The following HMCN1 variants were observed in gnomAD, a reference collection of about 807,000 sequenced individuals.
The protein encoded by HMCN1 is hemicentin-1.
Under a neutral mutation model 625.9 loss-of-function variants are expected in HMCN1, and 321 were observed. That is an observed-to-expected ratio of 0.51 (90% confidence interval 0.47 to 0.56). The LOEUF (loss-of-function observed/expected upper bound fraction) is 0.56. Ranked by LOEUF, HMCN1 falls within the 20% of genes least tolerant of loss-of-function variation. HMCN1 has a pLI of 0.00. For synonymous variants in HMCN1, 2,425 were observed against 2,417.6 expected (o/e 1.00, Z -0.09); for missense variants, 6,588 against 6,887.3 (o/e 0.96, Z 1.54).
chr1:185,925,229 T>A, intron 9 of HMCN1, 38 bp downstream of exon 9: 1 of 1,570,658 alleles, frequency 6.4e-7, no homozygotes, highest in South Asian at 1.1e-5. Context: ...GATTCAGCAT[T>A]TAACATGTAA....
Position 186,061,859 on chromosome 1 carries a change from A to C in HMCN1, c.7321A>C (p.Met2441Leu). 6.2e-7 allele frequency: 1 copy of C among 1,609,402 alleles called. No homozygotes were observed. The highest frequency in any genetic ancestry group is 1.7e-5 in the Admixed American group (1 of 59,934). The part of the protein sequence containing the change: ...NSVRILSGGR[M>L]LRLMQTTMED... ...ATGGTTTGCTTCTGCAGGAGGCAGG[A>C]TGCTACGGCTGATGCAGACCACAAT... The change falls in exon 47 of 107, where the codon ATG becomes CTG. Residue 2441 changes from methionine (M) to leucine (L), a missense_variant. Around this residue, in one of 3 missense-constraint regions of HMCN1, gnomAD observed 4,628 missense variants for 4,853.1 expected, o/e 0.95. Transcript: ENST00000271588.
At chr1:186,045,955 GTTGGACTAATTTTCTC>G (rs1656540046) in intron 41 of HMCN1, 92 bp downstream of exon 41, 3 of 901,658 alleles carry the variant, frequency 3.3e-6, no homozygotes, top group Non-Finnish European at 5.2e-6. Context: ...TTTTATAAGT[GTTGGACTAATTTTCTC>G]TTACAAAATT....
At chr1:186,142,013 TTTTAG>T (rs1650000340) in intron 89 of HMCN1, among the ~76,000 whole-genome samples, 2 of 152,214 alleles carry the variant, frequency 1.3e-5, no homozygotes, top group South Asian at 4.1e-4. Context: ...TTAACTTTCA[TTTTAG>T]TTTAGTTTCA....
In HMCN1 at chr1:186,007,229, C is replaced by T. The variant is rs1279169389; in HGVS notation, c.4577C>T (p.Thr1526Ile). 1 of 1,613,550 alleles carries T rather than the reference C, an allele frequency of 6.2e-7. No homozygotes were observed. The highest frequency in any genetic ancestry group is 8.5e-7 in the Non-Finnish European group (1 of 1,179,680). ...RRNDKGRYQC[T>I]VSNAAGKQAK... ...AATGACAAGGGGCGCTACCAATGTA[C>T]TGTGTCTAATGCAGCTGGCAAACAA... Residue 1526 changes from threonine (T) to isoleucine (I), a missense_variant, in exon 30 of 107, where the codon ACT becomes ATT. Coordinates refer to ENST00000271588, the MANE Select transcript of HMCN1 (RefSeq NM_031935.3).
chr1:186,066,279 G>GTTCA (rs377381395), intron 49 of HMCN1, among the ~76,000 whole-genome samples: 3,850 of 151,888 alleles, frequency 0.025, 125 homozygotes, highest in African/African-American at 0.071. Flanking sequence ...TTATATATAT[G>GTTCA]TTCATTCATT....
At chr1:185,902,770 C>A (rs914255400) in intron 4 of HMCN1, among the ~76,000 whole-genome samples, 1 of 151,478 alleles carries the variant, frequency 6.6e-6, no homozygotes, top group Non-Finnish European at 1.5e-5. Flanking sequence ...AGCGATAAGA[C>A]CATAACTGGC....
At chr1:186,183,495 T>G (rs1653079323) in intron 105 of HMCN1, among the ~76,000 whole-genome samples, 1 of 152,226 alleles carries the variant, frequency 6.6e-6, no homozygotes, top group African/African-American at 2.4e-5. Context: ...CTTAAGAACC[T>G]ACCCCATGCA....
chr1:186,148,903 A>G (rs1650495354), intron 93 of HMCN1, among the ~76,000 whole-genome samples: 1 of 151,680 alleles, frequency 6.6e-6, no homozygotes, highest in South Asian at 2.1e-4. Flanking sequence ...GAACATTCAC[A>G]TGTCAGTGGG....
At chr1:185,868,423 G>T (rs530988718) in intron 4 of HMCN1, among the ~76,000 whole-genome samples, 1 of 151,936 alleles carries the variant, frequency 6.6e-6, no homozygotes, top group South Asian at 2.1e-4. Context: ...GGACCTAATC[G>T]GAGGTAATTA....
intron 4 of HMCN1, among the ~76,000 whole-genome samples, chr1:185,869,164 T>C (rs73054442): frequency 0.047 from 7,197 of 152,270 alleles, 602 homozygotes; most frequent in African/African-American, 0.16. Flanking sequence ...GCTAAACCTC[T>C]AGAGTTCAGG....
In HMCN1 at chr1:186,081,256, C is replaced by T. The variant is rs777806495; in HGVS notation, c.8649C>T (p.Thr2883=). 5.6e-6 allele frequency: 9 copies of T among 1,613,572 alleles called. No individual in the cohort carries two copies. The highest frequency in any genetic ancestry group is 2.2e-5 in the East Asian group (1 of 44,860). ...GANSDLPEEV[T]VLVNKSALIE... is the part of the protein sequence containing the mutation. ...ATAGTGATCTCCCTGAAGAGGTCAC[C>T]GTGCTGGTGAACAAGAGTGCACTGA... The change falls in exon 56 of 107, where the codon ACC becomes ACT. Residue 2883 remains threonine, a synonymous_variant. Transcript: ENST00000271588.
intron 1 of HMCN1, among the ~76,000 whole-genome samples, chr1:185,786,519 A>G (rs75529434): frequency 0.018 from 2,696 of 152,266 alleles, 80 homozygotes; most frequent in African/African-American, 0.062. Flanking sequence ...GGAGTTCTCT[A>G]GCATCTTGGC....
chr1:185,984,829 G>A (rs554330827), intron 19 of HMCN1, among the ~76,000 whole-genome samples: 3 of 152,064 alleles, frequency 2.0e-5, no homozygotes, highest in African/African-American at 4.8e-5. Context: ...TTTTCCATTC[G>A]TGACTAACAG....
chr1:185,990,995 G>T (rs1168188741), intron 22 of HMCN1, among the ~76,000 whole-genome samples: 1 of 152,160 alleles, frequency 6.6e-6, no homozygotes, highest in African/African-American at 2.4e-5. Context: ...CTTAAACTTT[G>T]CCTGAAACCT....
chr1:185,796,915 C>A (rs182715178), intron 1 of HMCN1, among the ~76,000 whole-genome samples: 221 of 152,230 alleles, frequency 1.5e-3, no homozygotes, highest in South Asian at 3.7e-3. Flanking sequence ...TTTGAAAAAT[C>A]CCCATACTCT....
chr1:186,069,613 C>G, intron 50 of HMCN1, 50 bp from the exon 51 acceptor site: 1 of 1,177,442 alleles, frequency 8.5e-7, no homozygotes, highest in Non-Finnish European at 1.3e-6. Context: ...TGTGTGTACT[C>G]CACTGTCACT....
Position 185,970,190 on chromosome 1 carries a change from G to T in HMCN1, c.2213-145G>T, listed in dbSNP as rs538785721. On this transcript the variant is annotated intron_variant, in intron 14 of 106. Transcript: ENST00000271588. ...TTATTACAGGTCTGAATTTTAGACT[G>T]TAGAAAGTGTCTATGTTGTGCCAAA... The T allele has an allele frequency of 1.8e-5, 14 of 771,038 alleles. No homozygotes were observed. The African/African-American group carries it at 2.4e-4, about 13-fold the overall frequency. 47.8% of individuals were successfully genotyped at this position (771,038 alleles called of 1,614,324 possible).
intron 71 of HMCN1, among the ~76,000 whole-genome samples, chr1:186,112,575 G>A (rs1228576420): frequency 6.6e-6 from 1 of 152,176 alleles, no homozygotes; most frequent in Non-Finnish European, 1.5e-5. Context: ...GCCCATTCTT[G>A]AATGGATCAT....
At chr1:185,743,714 T>C (rs1374739937) in intron 1 of HMCN1, among the ~76,000 whole-genome samples, 1 of 152,214 alleles carries the variant, frequency 6.6e-6, no homozygotes, top group Non-Finnish European at 1.5e-5. Flanking sequence ...AGGAAAAATT[T>C]AAAAATGGAT....
Sources: gnomAD v4.1 joint callset for allele counts (sites outside exome capture counted in the v4.1 genomes callset) on GRCh38, gnomAD v4.1.1 for gene constraint, gnomAD v4.1.1 regional missense constraint, MANE v1.5 for transcripts, NCBI Gene and HGNC (gene_info 2026-07-23, HGNC 2026-07-21) for gene names.